RORA: variants seen among roughly 807,000 people sequenced by gnomAD.
RORA encodes nuclear receptor ROR-alpha.
Under a neutral mutation model 69.5 loss-of-function variants are expected in RORA, and 7 were observed. The ratio of observed to expected loss-of-function variants is 0.10; its 90% CI spans 0.06 to 0.19. The LOEUF (loss-of-function observed/expected upper bound fraction) is 0.19, where lower values mean the gene tolerates loss of function less well. Ranked by LOEUF, RORA falls within the 10% of genes least tolerant of loss-of-function variation. The pLI, the probability that RORA is intolerant of heterozygous loss-of-function variation, is 1.00. For synonymous variants in RORA, 261 were observed against 240.8 expected, an observed-to-expected ratio of 1.08 and a Z score of -0.78; for missense variants, 457 against 663.0, an observed-to-expected ratio of 0.69 and a Z score of 3.41.
chr15:60,530,836 T>C (rs1567064446), intron 3 of RORA: 1 of 152,240 alleles, frequency 6.6e-6, no homozygotes, highest in Non-Finnish European at 1.5e-5. Context: ...AGCAATCGGC[T>C]GTCTCAAAGG....
chr15:60,808,248 T>G (rs2072685950), intron 1 of RORA, among the ~76,000 whole-genome samples: 1 of 152,020 alleles, frequency 6.6e-6, no homozygotes, highest in Non-Finnish European at 1.5e-5. Context: ...AAAAGTGGGC[T>G]AAGGACATGA....
intron 1 of RORA, among the ~76,000 whole-genome samples, chr15:61,059,026 C>T (rs573842229): frequency 4.6e-4 from 70 of 152,062 alleles, no homozygotes; most frequent in African/African-American, 1.7e-3. Context: ...TTGATTTCTT[C>T]CTTAATTACT....
Position 60,683,647 on chromosome 15 carries a change from T to TACACACACACACACACACACACACAC in RORA, c.167-4987_167-4962dup, listed in dbSNP as rs59854874. The stretch of plus-strand genomic sequence containing the variant: ...TCCTTCTATTTTACCCAGATACACA[T>TACACACACACACACACACACACACAC]ACACACACACACACACACACACACA... On this transcript the variant is annotated intron_variant, in intron 1 of 10. Coordinates refer to ENST00000335670, the MANE Select transcript of RORA (RefSeq NM_134261.3). Among the ~76,000 whole-genome samples, 52 of 148,722 alleles carry TACACACACACACACACACACACACAC rather than the reference T, an allele frequency of 3.5e-4. No homozygotes were observed. In the South Asian group the frequency reaches 3.9e-3, roughly 11 times the overall value.
intron 2 of RORA, among the ~76,000 whole-genome samples, chr15:60,543,545 C>T (rs1232794175): frequency 6.6e-6 from 1 of 152,104 alleles, no homozygotes; most frequent in South Asian, 2.1e-4. Flanking sequence ...GTGGTGCGAT[C>T]ACAGCTCACT....
intron 1 of RORA, among the ~76,000 whole-genome samples, chr15:61,063,317 GA>G (rs1213600721): frequency 4.6e-5 from 7 of 152,114 alleles, no homozygotes; most frequent in Non-Finnish European, 1.0e-4. Context: ...AAGATATAGA[GA>G]AAAAAGGCAG....
At chr15:60,728,649 A>G (rs2071393780) in intron 1 of RORA, among the ~76,000 whole-genome samples, 1 of 152,224 alleles carries the variant, frequency 6.6e-6, no homozygotes, top group South Asian at 2.1e-4. Flanking sequence ...AGTAAAATGC[A>G]TTTACCAGTA....
rs1056813622 is a variant in RORA, at chr15:61,061,516, C to A, written c.166+167537G>T. Among the ~76,000 whole-genome samples the A allele has an allele frequency of 1.3e-5, 2 of 152,088 alleles. No homozygotes were observed. Among genetic ancestry groups the A allele is most frequent in the African/African-American group, 4.8e-5 (2 of 41,402 alleles). On this transcript the variant is annotated intron_variant, in intron 1 of 10. Transcript: ENST00000335670. The surrounding 1 kb of genome is among the most constrained non-coding windows in gnomAD (Gnocchi z 4.4). ...GGCTTGGTAGGCCAGGATAGACAAACTTCTGACCTCGCCCCTCATTCTAAA... is the reference window on the plus strand; with the variant it reads ...GGCTTGGTAGGCCAGGATAGACAAAATTCTGACCTCGCCCCTCATTCTAAA...
At chr15:60,746,013 A>G (rs1241868709) in intron 1 of RORA, among the ~76,000 whole-genome samples, 1 of 152,254 alleles carries the variant, frequency 6.6e-6, no homozygotes, top group Non-Finnish European at 1.5e-5. Context: ...AGGCTTTTAA[A>G]TAAAAGAAAT....
intron 2 of RORA, among the ~76,000 whole-genome samples, chr15:60,548,941 A>C (rs1431860512): frequency 1.3e-5 from 2 of 152,186 alleles, no homozygotes; most frequent in Non-Finnish European, 2.9e-5. Flanking sequence ...ATTAGTTTAA[A>C]ATCATGTTGT....
intron 1 of RORA, among the ~76,000 whole-genome samples, chr15:60,776,830 C>G (rs955705566): frequency 3.3e-5 from 5 of 152,174 alleles, no homozygotes; most frequent in African/African-American, 1.2e-4. Context: ...CTGTTTAAAC[C>G]TGCAACCTGC....
chr15:61,154,209 C>T (rs181657164), intron 1 of RORA, among the ~76,000 whole-genome samples: 64 of 152,206 alleles, frequency 4.2e-4, no homozygotes, highest in Non-Finnish European at 1.5e-5. Context: ...GGGTCTTTGA[C>T]TGACATTCTT....
chr15:60,976,321 C>A (rs1268767819), intron 1 of RORA, among the ~76,000 whole-genome samples: 2 of 152,132 alleles, frequency 1.3e-5, no homozygotes, highest in African/African-American at 4.8e-5. Flanking sequence ...CTCAAATAAA[C>A]CATCCCCCAT....
Position 60,719,187 on chromosome 15 carries a change from T to G in RORA, c.167-40501A>C, listed in dbSNP as rs562173384. Among the ~76,000 whole-genome samples the G allele has an allele frequency of 5.9e-4, 90 of 152,302 alleles. 1 individual carries two copies. Among genetic ancestry groups the G allele is most frequent in the Non-Finnish European group, 8.8e-5 (6 of 68,038 alleles). ...TAAAGAATTATTAATTTTCTTTTGG[T>G]TTGATCATGGCATTATAGTTATATA... On this transcript the variant is annotated intron_variant, in intron 1 of 10. Transcript: ENST00000335670.
intron 1 of RORA, among the ~76,000 whole-genome samples, chr15:60,963,373 G>T (rs1419402859): frequency 1.3e-5 from 2 of 152,206 alleles, no homozygotes; most frequent in African/African-American, 4.8e-5. Flanking sequence ...GAGGTCTTAG[G>T]CCTGAATAGC....
chr15:61,033,975 G>A (rs782960), intron 1 of RORA, among the ~76,000 whole-genome samples: 146,739 of 152,204 alleles, frequency 0.96, 70,953 homozygotes, highest in East Asian at 1. Flanking sequence ...GATATGTTAC[G>A]TTAAATAAGC....
At chr15:60,866,122 T>C (rs1472142756) in intron 1 of RORA, among the ~76,000 whole-genome samples, 1 of 152,218 alleles carries the variant, frequency 6.6e-6, no homozygotes, top group African/African-American at 2.4e-5. Context: ...TCACCCCTAT[T>C]GTGCCAATGA....
chr15:60,530,650 G>A (rs555231946), intron 3 of RORA: 19 of 152,254 alleles, frequency 1.2e-4, no homozygotes, highest in African/African-American at 2.9e-4. Context: ...AAGAATTAAG[G>A]AAATTATAAG....
rs563378874 is a variant in RORA at position 60,733,567 on chromosome 15, T to C, written c.167-54881A>G. On this transcript the variant is annotated intron_variant, in intron 1 of 10. Coordinates refer to ENST00000335670, the MANE Select transcript of RORA (RefSeq NM_134261.3). Reference sequence around the variant, plus strand: ...GGGGGATTAAAGAGGATATTCCCCATGAATAAGTACTGAGGAAGAAAAAAG... The same window carrying C: ...GGGGGATTAAAGAGGATATTCCCCACGAATAAGTACTGAGGAAGAAAAAAG... Among the ~76,000 whole-genome samples the C allele has an allele frequency of 6.8e-4, 104 of 152,248 alleles. 3 individuals carry two copies. The South Asian group carries it at 0.02, about 30-fold the overall frequency.
At chr15:60,833,783 A>G (rs2073079771) in intron 1 of RORA, among the ~76,000 whole-genome samples, 1 of 152,224 alleles carries the variant, frequency 6.6e-6, no homozygotes, top group Non-Finnish European at 1.5e-5. Flanking sequence ...AGGGAGGAAG[A>G]GTGGTTGAGA....
Sources: allele counts gnomAD v4.1 joint callset (sites outside exome capture counted in the v4.1 genomes callset), GRCh38; gene constraint gnomAD v4.1.1; non-coding constraint Gnocchi (gnomAD v3.1); transcripts MANE v1.5; gene names NCBI Gene and HGNC (gene_info 2026-07-23, HGNC 2026-07-21).